Variants in LIPC observed in about 807,000 individuals in gnomAD.
The protein encoded by LIPC is hepatic triacylglycerol lipase.
LIPC carries 44 observed loss-of-function variants against 50.7 expected under a neutral mutation model. The ratio of observed to expected loss-of-function variants is 0.87; its 90% CI spans 0.68 to 1.11. The LOEUF (loss-of-function observed/expected upper bound fraction) is 1.11, where lower values mean the gene tolerates loss of function less well. Among genes scored for constraint, LIPC ranks in the 50% most tolerant of loss-of-function variants. The probability of loss-of-function intolerance (pLI) is 0.00; values close to 1 mark genes in which losing one functional copy is unlikely to be tolerated. For missense variants in LIPC, 697 were observed against 648.2 expected, an observed-to-expected ratio of 1.08 and a Z score of -0.82; for synonymous variants, 271 against 256.4, an observed-to-expected ratio of 1.06 and a Z score of -0.54.
At chr15:58,466,859 T>C (rs1438644696) in intron 1 of LIPC, among the ~76,000 whole-genome samples, 1 of 152,220 alleles carries the variant, frequency 6.6e-6, no homozygotes, top group Non-Finnish European at 1.5e-5. Flanking sequence ...AATCACTTCG[T>C]AAAGTTGATT....
intron 8 of LIPC, chr15:58,565,222 C>T (rs868095410): frequency 3.9e-6 from 6 of 1,535,592 alleles, no homozygotes; most frequent in Non-Finnish European, 4.4e-6. Flanking sequence ...CTGCTCGCTC[C>T]TCTTCTGCAC....
chr15:58,434,481 G>A (rs1189207762), intron 1 of LIPC, among the ~76,000 whole-genome samples: 3 of 152,128 alleles, frequency 2.0e-5, no homozygotes, highest in Non-Finnish European at 4.4e-5. Flanking sequence ...TCGCATAGCT[G>A]GTCAGGGCAG....
At chr15:58,514,601 ATCACCTGAGGT>A in intron 1 of LIPC, among the ~76,000 whole-genome samples, 1 of 152,202 alleles carries the variant, frequency 6.6e-6, no homozygotes, top group Non-Finnish European at 1.5e-5. Context: ...AGGCGGGAGG[ATCACCTGAGGT>A]CAGGAGTTTG....
intron 1 of LIPC, among the ~76,000 whole-genome samples, chr15:58,450,028 T>C (rs1465840559): frequency 6.6e-6 from 1 of 152,208 alleles, no homozygotes; most frequent in Non-Finnish European, 1.5e-5. Context: ...TATGACAGTA[T>C]GGAGAGACCC....
In LIPC at chr15:58,485,579, A is replaced by T. The variant is rs548677733; in HGVS notation, c.89-52754A>T. ...GAAGACCTTTCATACTGTAAGATTCAGCTTGAAAGTCTCTCCCTCCATACA... is the reference window on the plus strand; with the variant it reads ...GAAGACCTTTCATACTGTAAGATTCTGCTTGAAAGTCTCTCCCTCCATACA... On this transcript the variant is annotated intron_variant, in intron 1 of 8. Transcript: ENST00000299022. Among the ~76,000 whole-genome samples the T allele has an allele frequency of 7.9e-5, 12 of 152,310 alleles. No individual in the cohort carries two copies. In the South Asian group the frequency reaches 2.5e-3, roughly 32 times the overall value.
At chr15:58,550,309 C>T (rs1409669332) in intron 6 of LIPC, among the ~76,000 whole-genome samples, 2 of 152,250 alleles carry the variant, frequency 1.3e-5, no homozygotes, top group African/African-American at 4.8e-5. Flanking sequence ...AAACTGGGCA[C>T]TTCATCTGAT....
intron 1 of LIPC, among the ~76,000 whole-genome samples, chr15:58,509,940 A>G (rs1892280627): frequency 6.9e-6 from 1 of 145,288 alleles, no homozygotes; most frequent in African/African-American, 2.6e-5. Context: ...TTTTTGTACC[A>G]TTGGATCTAT....
chr15:58,532,370 C>T (rs1020239231), intron 1 of LIPC, among the ~76,000 whole-genome samples: 4 of 152,254 alleles, frequency 2.6e-5, no homozygotes, highest in South Asian at 4.1e-4. Flanking sequence ...GACAGAGCTG[C>T]GGTTACATTT....
chr15:58,563,767 A>G, intron 8 of LIPC, 44 bp downstream of exon 8: 1 of 1,506,618 alleles, frequency 6.6e-7, no homozygotes, highest in Non-Finnish European at 9.2e-7. Flanking sequence ...TTAAGCACCC[A>G]CTTGTGCCAG....
At chr15:58,555,099 G>A (rs1179083037) in intron 6 of LIPC, among the ~76,000 whole-genome samples, 3 of 152,234 alleles carry the variant, frequency 2.0e-5, no homozygotes, top group Admixed American at 6.5e-5. Context: ...GGATGTGCAA[G>A]CTAAAGGGGC....
In LIPC at chr15:58,533,468, C is replaced by G. The variant is rs566387347; in HGVS notation, c.89-4865C>G. Among the ~76,000 whole-genome samples, 695 of 152,260 alleles carry G rather than the reference C, an allele frequency of 4.6e-3. 3 individuals are homozygous for G. The highest frequency in any genetic ancestry group is 0.016 in the African/African-American group (678 of 41,542). On this transcript the variant is annotated intron_variant, in intron 1 of 8. Coordinates refer to ENST00000299022, the MANE Select transcript of LIPC (RefSeq NM_000236.3). ...CTGATTCTACTTTTAGGAAACTACACTAAGAAAATACTAATAGATTCCGAT... is the reference window on the plus strand; with the variant it reads ...CTGATTCTACTTTTAGGAAACTACAGTAAGAAAATACTAATAGATTCCGAT...
chr15:58,553,426 T>A (rs1243098063), intron 6 of LIPC, among the ~76,000 whole-genome samples: 1 of 152,094 alleles, frequency 6.6e-6, no homozygotes, highest in East Asian at 1.9e-4. Context: ...CAAGACGCCA[T>A]CTCTACAAAA....
chr15:58,535,022 A>G (rs923561537), intron 1 of LIPC, among the ~76,000 whole-genome samples: 3 of 152,216 alleles, frequency 2.0e-5, no homozygotes, highest in Non-Finnish European at 4.4e-5. Flanking sequence ...TCATCCTCCC[A>G]ATCTTATTTT....
intron 1 of LIPC, among the ~76,000 whole-genome samples, chr15:58,453,496 T>C (rs977960709): frequency 9.9e-5 from 15 of 152,166 alleles, no homozygotes; most frequent in Non-Finnish European, 1.9e-4. Context: ...CTCCCACTTG[T>C]CTGTCTAACA....
chr15:58,565,020 T>C (rs1478522640), intron 8 of LIPC, among the ~76,000 whole-genome samples: 6 of 152,312 alleles, frequency 3.9e-5, no homozygotes, highest in African/African-American at 1.4e-4. Flanking sequence ...ACCTCTGAAC[T>C]ACCCTCTTCC....
intron 1 of LIPC, among the ~76,000 whole-genome samples, chr15:58,433,640 A>G (rs633695): frequency 0.36 from 55,443 of 152,060 alleles, 10,871 homozygotes; most frequent in East Asian, 0.64. Flanking sequence ...CAATGGAGCC[A>G]TGGGAATTGG....
At chr15:58,464,904 T>C (rs34570549) in intron 1 of LIPC, among the ~76,000 whole-genome samples, 20,650 of 151,842 alleles carry the variant, frequency 0.14, 1,443 homozygotes, top group Non-Finnish European at 0.17. Context: ...ACCTGGGAGG[T>C]GGAGGTTGCA....
intron 8 of LIPC, among the ~76,000 whole-genome samples, chr15:58,567,346 T>C (rs200780506): frequency 0.39 from 4,385 of 11,248 alleles, 131 homozygotes; most frequent in East Asian, 0.46. Flanking sequence ...TATGTATATG[T>C]ATATATATAT....
chr15:58,448,910 T>C (rs1338871106), intron 1 of LIPC, among the ~76,000 whole-genome samples: 6 of 152,102 alleles, frequency 3.9e-5, no homozygotes, highest in Non-Finnish European at 8.8e-5. Context: ...CAGACAAAAC[T>C]GACAAGTGGG....
Sources: gnomAD v4.1 joint callset for allele counts (sites outside exome capture counted in the v4.1 genomes callset) on GRCh38, gnomAD v4.1.1 for gene constraint, MANE v1.5 for transcripts, NCBI Gene and HGNC (gene_info 2026-07-23, HGNC 2026-07-21) for gene names.